Variants in PTPRT observed in about 807,000 individuals in gnomAD.
PTPRT encodes the protein receptor-type tyrosine-protein phosphatase T.
PTPRT carries 56 observed loss-of-function variants against 176.8 expected under a neutral mutation model. The ratio of observed to expected loss-of-function variants is 0.32; its 90% confidence interval spans 0.26 to 0.40. The LOEUF is 0.40. Among genes scored for constraint, PTPRT ranks in the 10% least tolerant of loss-of-function variants. The pLI is 1.00. For missense variants in PTPRT, 1,540 were observed against 1,908.2 expected (o/e 0.81, Z 3.60); for synonymous variants, 783 against 739.0 (o/e 1.06, Z -0.96).
chr20:42,881,605 G>C lies in PTPRT; in HGVS notation c.214+4202C>G, dbSNP rs573286319. On this transcript the variant is annotated intron_variant, in intron 2 of 30. Transcript: ENST00000373187. ...CCAGGCATGGCGATGTGCGCCTGTAGTCTCAGCTACTTGGGAGTCTGAGGC... is the reference window on the plus strand; with the variant it reads ...CCAGGCATGGCGATGTGCGCCTGTACTCTCAGCTACTTGGGAGTCTGAGGC... Among the ~76,000 whole-genome samples, 5 of 151,800 alleles carry C rather than the reference G, an allele frequency of 3.3e-5. No homozygotes were observed. The East Asian group carries it at 9.7e-4, about 30-fold the overall frequency.
chr20:43,083,335 T>TATATATATATGTATATATATAC (rs2011499488), intron 1 of PTPRT, among the ~76,000 whole-genome samples: 2 of 106,830 alleles, frequency 1.9e-5, no homozygotes, highest in African/African-American at 7.4e-5. Context: ...TATATATATA[T>TATATATATATGTATATATATAC]ATATATATAT....
chr20:42,169,936 T>C (rs1032103910), intron 16 of PTPRT, among the ~76,000 whole-genome samples: 1 of 152,142 alleles, frequency 6.6e-6, no homozygotes, highest in Non-Finnish European at 1.5e-5. Flanking sequence ...CCCTACGCCA[T>C]CAAGGTGTTC....
chr20:42,549,853 G>T (rs1033734679), intron 7 of PTPRT, among the ~76,000 whole-genome samples: 1 of 151,838 alleles, frequency 6.6e-6, no homozygotes, highest in Non-Finnish European at 1.5e-5. Flanking sequence ...CGTGGTAGTG[G>T]GTCAAGAAAA....
chr20:42,350,291 T>C (rs930280979), intron 11 of PTPRT, among the ~76,000 whole-genome samples: 1 of 146,682 alleles, frequency 6.8e-6, no homozygotes, highest in Non-Finnish European at 1.5e-5. Context: ...TGCAGTGGCA[T>C]GATCACAGTT....
chr20:42,852,368 T>C (rs1438425254), intron 2 of PTPRT, among the ~76,000 whole-genome samples: 1 of 152,198 alleles, frequency 6.6e-6, no homozygotes, highest in African/African-American at 2.4e-5. Flanking sequence ...ATCCCAAGCT[T>C]TAAAAGATAT....
chr20:43,153,991 G>T (rs1263484087), intron 1 of PTPRT, among the ~76,000 whole-genome samples: 2 of 152,200 alleles, frequency 1.3e-5, no homozygotes, highest in Admixed American at 6.5e-5. Context: ...GTTCCTTGCA[G>T]GTGAGAAGAT....
chr20:42,254,547 A>G (rs2056604913), intron 13 of PTPRT, among the ~76,000 whole-genome samples: 1 of 152,220 alleles, frequency 6.6e-6, no homozygotes, highest in African/African-American at 2.4e-5. Context: ...TTAGATAGAT[A>G]AAGGGCCATT....
At chr20:42,165,126 G>GCTCTCTCCTC (rs1245648086) in intron 16 of PTPRT, among the ~76,000 whole-genome samples, 2 of 151,988 alleles carry the variant, frequency 1.3e-5, no homozygotes, top group African/African-American at 4.8e-5. Flanking sequence ...CTGTCTTCCT[G>GCTCTCTCCTC]CTCTCTCCTC....
chr20:42,315,922 G>A lies in PTPRT; in HGVS notation c.1940C>T (p.Ser647Leu), dbSNP rs868189942. The A allele has an allele frequency of 1.1e-5, 17 of 1,614,026 alleles. No individual in the cohort carries two copies. The highest frequency in any genetic ancestry group is 2.2e-5 in the South Asian group (2 of 91,080). Residue 647 changes from serine (S) to leucine (L), a missense_variant, in exon 12 of 31, where the codon TCG (serine) becomes TTG (leucine). Around this residue, in one of 11 missense-constraint regions of PTPRT, gnomAD observed 81 missense variants for 89.9 expected, o/e 0.90. Coordinates refer to ENST00000373187, the MANE Select transcript of PTPRT (RefSeq NM_007050.6). ...RRAADIIECF[S>L]VPVSYRNASS... is the part of the protein sequence containing the mutation. ...GGCATTCCGATAGCTCACGGGCACC[G>A]AAAAGCACTCAATAATGTCAGCTGC...
In PTPRT at chr20:42,079,002, C is replaced by T. The variant is rs1291183360; in HGVS notation, c.*1877G>A. 1.1e-5 allele frequency: 2 copies of T among 179,028 alleles called. No individual in the cohort carries two copies. Among genetic ancestry groups the T allele is most frequent in the African/African-American group, 4.7e-5 (2 of 42,320 alleles). The allele number at this position is 179,028 out of a possible 1,614,324, so 11.1% of individuals were successfully genotyped here. ...GTACCTTCTTGAATTCTCTGCCCCT[C>T]ATGCCCTGTCTGGGGCTAGACCAGC... On this transcript the variant is annotated 3_prime_UTR_variant, in exon 31 of 31. Transcript: ENST00000373187.
intron 2 of PTPRT, among the ~76,000 whole-genome samples, chr20:42,859,615 G>A (rs1358857262): frequency 4.7e-5 from 6 of 127,208 alleles, no homozygotes; most frequent in African/African-American, 6.4e-5. Context: ...ATGGAGTCTC[G>A]CTCTGTCACC....
chr20:42,627,944 C>T (rs1363270839), intron 7 of PTPRT, among the ~76,000 whole-genome samples: 1 of 152,094 alleles, frequency 6.6e-6, no homozygotes, highest in Non-Finnish European at 1.5e-5. Context: ...TTCTTGGGCA[C>T]ATGCACACTT....
Position 42,825,816 on chromosome 20 carries a change from G to A in PTPRT, c.215-34350C>T, listed in dbSNP as rs183816496. ...GACAAATGGTAACTGATTAAGCAGAGCAGTGAAAACTGAAGCCCGTATGTC... is the reference window on the plus strand; with the variant it reads ...GACAAATGGTAACTGATTAAGCAGAACAGTGAAAACTGAAGCCCGTATGTC... On this transcript the variant is annotated intron_variant, in intron 2 of 30. Transcript: ENST00000373187. Among the ~76,000 whole-genome samples the A allele has an allele frequency of 3.3e-5, 5 of 152,184 alleles. No homozygotes were observed. In the East Asian group the frequency reaches 9.7e-4, roughly 29 times the overall value.
intron 1 of PTPRT, among the ~76,000 whole-genome samples, chr20:43,027,433 G>A (rs1032962790): frequency 6.7e-6 from 1 of 149,332 alleles, no homozygotes; most frequent in Non-Finnish European, 1.5e-5. Context: ...CCAAGATCGT[G>A]CCACTACACT....
chr20:42,896,282 C>T (rs2145902123), intron 1 of PTPRT, among the ~76,000 whole-genome samples: 1 of 152,184 alleles, frequency 6.6e-6, no homozygotes, highest in Non-Finnish European at 1.5e-5. Context: ...ATAGGTCCAC[C>T]TACAAAATTT....
chr20:42,752,834 G>A (rs2076785193), intron 6 of PTPRT, among the ~76,000 whole-genome samples: 1 of 152,154 alleles, frequency 6.6e-6, no homozygotes, highest in Non-Finnish European at 1.5e-5. Context: ...CCAAACGCTT[G>A]GGTTTGCTGC....
At chr20:42,986,024 G>A (rs1211076107) in intron 1 of PTPRT, among the ~76,000 whole-genome samples, 1 of 152,240 alleles carries the variant, frequency 6.6e-6, no homozygotes, top group Non-Finnish European at 1.5e-5. Context: ...GTACAATGGT[G>A]TAGTGAGTCC....
intron 16 of PTPRT, among the ~76,000 whole-genome samples, chr20:42,198,043 A>G (rs1321593621): frequency 6.6e-6 from 1 of 152,134 alleles, no homozygotes; most frequent in African/African-American, 2.4e-5. Flanking sequence ...GGAGATTTTG[A>G]TTCAGGAGAT....
intron 1 of PTPRT, among the ~76,000 whole-genome samples, chr20:43,058,529 G>T (rs987244065): frequency 6.6e-6 from 1 of 152,164 alleles, no homozygotes; most frequent in Non-Finnish European, 1.5e-5. Context: ...ATTTTAACAC[G>T]GCCCCACACC....
Sources: gnomAD v4.1 joint callset for allele counts (sites outside exome capture counted in the v4.1 genomes callset) on GRCh38, gnomAD v4.1.1 for gene constraint, gnomAD v4.1.1 regional missense constraint, MANE v1.5 for transcripts, NCBI Gene and HGNC (gene_info 2026-07-23, HGNC 2026-07-21) for gene names.